SETBP1: variants seen among roughly 807,000 people sequenced by gnomAD.
SETBP1 encodes the protein SET-binding protein.
In SETBP1, 9 loss-of-function variants were observed where a neutral mutation model predicts 101.0. That is an observed-to-expected ratio of 0.09 (90% confidence interval 0.05 to 0.16). The LOEUF is 0.16. Among genes scored for constraint, SETBP1 ranks in the 10% least tolerant of loss-of-function variants. SETBP1 has a pLI of 1.00. For synonymous variants in SETBP1, 818 were observed against 788.5 expected (o/e 1.04, Z -0.63); for missense variants, 1,858 against 2,033.8 (o/e 0.91, Z 1.66).
intron 5 of SETBP1, among the ~76,000 whole-genome samples, chr18:45,059,668 T>C (rs2073861706): frequency 6.6e-6 from 1 of 152,194 alleles, no homozygotes; most frequent in Non-Finnish European, 1.5e-5. Context: ...CTGTAGCTAT[T>C]TAAATGAAAA....
At chr18:44,785,986 G>C (rs1000297759) in intron 2 of SETBP1, among the ~76,000 whole-genome samples, 1 of 152,094 alleles carries the variant, frequency 6.6e-6, no homozygotes, top group Non-Finnish European at 1.5e-5. Flanking sequence ...GTTTCCTGCT[G>C]TTCCCCTCTG....
intron 4 of SETBP1, among the ~76,000 whole-genome samples, chr18:44,976,583 A>T (rs1951103020): frequency 6.6e-6 from 1 of 152,184 alleles, no homozygotes; most frequent in African/African-American, 2.4e-5. Context: ...ACATGTCCTC[A>T]GGGCAAAGAT....
chr18:44,795,284 G>A (rs146893120), intron 2 of SETBP1, among the ~76,000 whole-genome samples: 1 of 152,182 alleles, frequency 6.6e-6, no homozygotes, highest in Non-Finnish European at 1.5e-5. Flanking sequence ...TTAGTTGTTC[G>A]GTCTCAGGTT....
intron 3 of SETBP1, chr18:44,877,167 A>G: frequency 2.1e-6 from 2 of 960,630 alleles, no homozygotes; most frequent in South Asian, 9.7e-5. Context: ...TGGCCTGTCA[A>G]GTGTGTGTCG....
At chr18:44,888,767 C>G (rs2069705007) in intron 3 of SETBP1, among the ~76,000 whole-genome samples, 1 of 151,916 alleles carries the variant, frequency 6.6e-6, no homozygotes, top group Non-Finnish European at 1.5e-5. Context: ...ATTGGAGGTG[C>G]AAGAAAAAGT....
At chr18:44,960,563 T>C (rs886323563) in intron 4 of SETBP1, among the ~76,000 whole-genome samples, 5 of 152,090 alleles carry the variant, frequency 3.3e-5, no homozygotes, top group Admixed American at 6.6e-5. Context: ...AGACTGGTCT[T>C]GAACTCTTGG....
chr18:44,929,720 G>A (rs1206138462), intron 3 of SETBP1, among the ~76,000 whole-genome samples: 2 of 152,168 alleles, frequency 1.3e-5, no homozygotes, highest in Non-Finnish European at 2.9e-5. Flanking sequence ...GTTCACTCAT[G>A]ATTTGGCTCT....
intron 2 of SETBP1, among the ~76,000 whole-genome samples, chr18:44,738,076 G>T (rs181166536): frequency 6.6e-6 from 1 of 152,118 alleles, no homozygotes; most frequent in East Asian, 1.9e-4. Flanking sequence ...TCATTCTCTG[G>T]GTCTTCCTCC....
intron 4 of SETBP1, among the ~76,000 whole-genome samples, chr18:44,957,450 G>A (rs2071512605): frequency 6.6e-6 from 1 of 151,990 alleles, no homozygotes; most frequent in African/African-American, 2.4e-5. Flanking sequence ...TGTTAAGAAG[G>A]TAGCCATCCC....
At chr18:44,986,892 ATAGT>A (rs1307719622) in intron 4 of SETBP1, 28 of 142,664 alleles carry the variant, frequency 2.0e-4, no homozygotes, top group Middle Eastern at 3.6e-3. Flanking sequence ...TAAAATAACA[ATAGT>A]TAGTATAGTA....
chr18:44,680,123 A>G (rs1287395552), upstream of SETBP1: 7 of 140,978 alleles, frequency 5.0e-5, no homozygotes, highest in Non-Finnish European at 1.6e-5. Flanking sequence ...CCCCCTTGAT[A>G]TCTCTCTCCA....
At chr18:44,823,650 C>T (rs1465666842) in intron 2 of SETBP1, among the ~76,000 whole-genome samples, 1 of 152,076 alleles carries the variant, frequency 6.6e-6, no homozygotes, top group African/African-American at 2.4e-5. Context: ...CAGAGCAGAC[C>T]CCTTGTTTAT....
chr18:44,754,522 T>C (rs1395075449), intron 2 of SETBP1, among the ~76,000 whole-genome samples: 1 of 152,252 alleles, frequency 6.6e-6, no homozygotes, highest in Non-Finnish European at 1.5e-5. Context: ...GATGAAATCA[T>C]AGAATAGGCC....
chr18:44,851,122 CATT>C, intron 2 of SETBP1, among the ~76,000 whole-genome samples: 1 of 152,252 alleles, frequency 6.6e-6, no homozygotes, highest in African/African-American at 2.4e-5. Context: ...TCATCATCAT[CATT>C]ATCATTATCA....
chr18:45,063,016 A>C, intron 5 of SETBP1, 63 bp from the exon 6 acceptor site: 5 of 1,608,464 alleles, frequency 3.1e-6, no homozygotes, highest in South Asian at 2.2e-5. Flanking sequence ...CTGTCAGTGA[A>C]GAGGCTGAGT....
At chr18:44,851,401 T>A (rs1387533544) in intron 2 of SETBP1, among the ~76,000 whole-genome samples, 2 of 152,220 alleles carry the variant, frequency 1.3e-5, no homozygotes, top group Non-Finnish European at 2.9e-5. Flanking sequence ...GAGATCTTGC[T>A]GTTTTAGGGA....
chr18:44,975,453 A>G (rs2071965401), intron 4 of SETBP1, among the ~76,000 whole-genome samples: 1 of 152,210 alleles, frequency 6.6e-6, no homozygotes, highest in Non-Finnish European at 1.5e-5. Flanking sequence ...AAGTGTAGTA[A>G]GCATTGAATT....
Position 44,701,408 on chromosome 18 carries a change from C to T in SETBP1, c.62C>T (p.Pro21Leu), listed in dbSNP as rs758194735. 37 of 1,576,360 alleles carry T rather than the reference C, an allele frequency of 2.3e-5. No individual in the cohort carries two copies. Among genetic ancestry groups the T allele is most frequent in the Non-Finnish European group, 3.1e-5 (36 of 1,159,654 alleles). ...AGAGGGGGCGAGTCAGACTTCCTGC[C>T]GGTCTCCTCAGCCAAGCCCCCAGCT... ...RQRGGESDFL[P>L]VSSAKPPAAP... Residue 21 changes from proline (P) to leucine (L), a missense_variant, in exon 2 of 6, where the codon CCG becomes CTG. By Grantham distance (98) the Pro-to-Leu change is moderately conservative (BLOSUM62 -3). Around this residue, in one of 12 missense-constraint regions of SETBP1, gnomAD observed 97 missense variants for 101.2 expected, o/e 0.96. Transcript: ENST00000649279.
intron 4 of SETBP1, among the ~76,000 whole-genome samples, chr18:45,025,584 A>G (rs1053366096): frequency 3.9e-5 from 6 of 152,198 alleles, no homozygotes; most frequent in South Asian, 4.1e-4. Context: ...CCTGCACACA[A>G]TCACTATGTA....
Sources: allele counts gnomAD v4.1 joint callset (sites outside exome capture counted in the v4.1 genomes callset), GRCh38; gene constraint gnomAD v4.1.1; regional missense constraint gnomAD v4.1.1; transcripts MANE v1.5; gene names NCBI Gene and HGNC (gene_info 2026-07-23, HGNC 2026-07-21).